GARNL3: variants seen among roughly 807,000 people sequenced by gnomAD.
GARNL3 encodes GTPase activating Rap/RanGAP domain like 3.
In GARNL3, 63 loss-of-function variants were observed where a neutral mutation model predicts 125.0. The observed-to-expected ratio is 0.50, with a 90% CI of 0.41 to 0.62. The LOEUF is 0.62. Among genes scored for constraint, GARNL3 ranks in the 20% least tolerant of loss-of-function variants. The probability of loss-of-function intolerance (pLI) is 0.00; values close to 1 mark genes in which losing one functional copy is unlikely to be tolerated. For missense variants in GARNL3, 994 were observed against 1,244.0 expected, an observed-to-expected ratio of 0.80 and a Z score of 3.02; for synonymous variants, 439 against 457.5, an observed-to-expected ratio of 0.96 and a Z score of 0.52.
intron 4 of GARNL3, among the ~76,000 whole-genome samples, chr9:127,316,441 G>A (rs1409623060): frequency 6.6e-6 from 1 of 152,126 alleles, no homozygotes; most frequent in Non-Finnish European, 1.5e-5. Flanking sequence ...GGTAGTCAAG[G>A]TAGGATCTAA....
intron 1 of GARNL3, among the ~76,000 whole-genome samples, chr9:127,228,184 T>A (rs1029469495): frequency 1.3e-5 from 2 of 152,244 alleles, no homozygotes; most frequent in East Asian, 3.8e-4. Context: ...ATGGATATAT[T>A]ACCATTTATT....
At chr9:127,293,354 A>G (rs574656355) in intron 2 of GARNL3, among the ~76,000 whole-genome samples, 1 of 152,344 alleles carries the variant, frequency 6.6e-6, no homozygotes, top group South Asian at 2.1e-4. Flanking sequence ...TAGTCTGGAT[A>G]ATTAGACACT....
intron 2 of GARNL3, among the ~76,000 whole-genome samples, chr9:127,246,214 C>T (rs2063301005): frequency 1.3e-5 from 2 of 152,078 alleles, no homozygotes; most frequent in Non-Finnish European, 2.9e-5. Context: ...AGATAATTGG[C>T]GTCAGTAGGC....
intron 1 of GARNL3, among the ~76,000 whole-genome samples, chr9:127,281,534 C>A (rs1243643014): frequency 6.6e-6 from 1 of 152,188 alleles, no homozygotes; most frequent in Non-Finnish European, 1.5e-5. Flanking sequence ...TGCCCAGTCA[C>A]CCGGATCTCC....
intron 20 of GARNL3, chr9:127,356,619 G>A (rs1473624656): frequency 6.6e-6 from 1 of 152,194 alleles, no homozygotes; most frequent in Non-Finnish European, 1.5e-5. Flanking sequence ...TTAAAATCTT[G>A]CTCTACTTAA....
chr9:127,276,259 G>A (rs763408806), intron 1 of GARNL3, among the ~76,000 whole-genome samples: 2 of 152,020 alleles, frequency 1.3e-5, no homozygotes, highest in Non-Finnish European at 2.9e-5. Flanking sequence ...AGGCAAGGCT[G>A]GGATTACAGG....
At chr9:127,304,691 A>C (rs1053277839) in intron 2 of GARNL3, among the ~76,000 whole-genome samples, 6 of 151,836 alleles carry the variant, frequency 4.0e-5, no homozygotes, top group Non-Finnish European at 8.8e-5. Context: ...ATGCGCCACC[A>C]CACCTGGCTA....
rs767897607 is a variant in GARNL3 at position 127,353,831 on chromosome 9, G to C, written c.1544-15G>C. The C allele has an allele frequency of 6.3e-7, 1 of 1,581,362 alleles. No homozygotes were observed. The highest frequency in any genetic ancestry group is 8.7e-7 in the Non-Finnish European group (1 of 1,150,186). Reference sequence around the variant, plus strand: ...GCTGGGTTGCAGTGATGGGTAACCAGGTTTCCTTTTCCAGATGACCTTCCA... The same window carrying C: ...GCTGGGTTGCAGTGATGGGTAACCACGTTTCCTTTTCCAGATGACCTTCCA... On this transcript the variant is annotated splice_polypyrimidine_tract_variant and intron_variant, in intron 17 of 27. Coordinates refer to ENST00000373387, the MANE Select transcript of GARNL3 (RefSeq NM_032293.5).
At position 127,385,009 on chromosome 9, in the gene GARNL3, A is replaced by G. The variant is rs1832466168; in HGVS notation, c.2270-18A>G. 1 of 1,528,684 alleles carries G rather than the reference A, an allele frequency of 6.5e-7. No homozygotes were observed. The highest frequency in any genetic ancestry group is 9.0e-7 in the Non-Finnish European group (1 of 1,111,518). 94.7% of individuals were successfully genotyped at this position (1,528,684 alleles called of 1,614,324 possible). ...ACCAAGCCAGCAGCTGGGAGGTGAC[A>G]CTCCCGTTCCCTTGCAGTCTGTGCT... On this transcript the variant is annotated intron_variant, in intron 23 of 27. Transcript: ENST00000373387. This position sits in a 1 kb window ranked among gnomAD's most constrained non-coding sequence, Gnocchi z 4.1.
At chr9:127,361,950 T>C (rs1186219864) in intron 21 of GARNL3, 1 of 151,624 alleles carries the variant, frequency 6.6e-6, no homozygotes, top group Non-Finnish European at 1.5e-5. Context: ...CCCACTGCAG[T>C]CAACCCTCCC....
chr9:127,298,239 C>T (rs1483906814), intron 2 of GARNL3, among the ~76,000 whole-genome samples: 4 of 152,148 alleles, frequency 2.6e-5, no homozygotes, highest in South Asian at 2.1e-4. Flanking sequence ...AGTGCAATGG[C>T]GTAATCTCAG....
chr9:127,231,917 T>C (rs1195644026), intron 1 of GARNL3, among the ~76,000 whole-genome samples: 1 of 152,208 alleles, frequency 6.6e-6, no homozygotes, highest in Admixed American at 6.5e-5. Context: ...AACACGCTCA[T>C]AAATAATGCC....
intron 15 of GARNL3, among the ~76,000 whole-genome samples, chr9:127,344,975 G>T (rs1014581298): frequency 6.6e-6 from 1 of 152,208 alleles, no homozygotes; most frequent in African/African-American, 2.4e-5. Context: ...CCCAGAAGTA[G>T]AAAGCTAGAC....
At chr9:127,243,268 C>T (rs1564843412) in intron 2 of GARNL3, 1 of 1,365,482 alleles carries the variant, frequency 7.3e-7, no homozygotes, top group African/African-American at 1.5e-5. Context: ...GTAAAAGAAG[C>T]ATCATCTCAG....
At chr9:127,307,783 T>G (rs2064996538) in intron 2 of GARNL3, among the ~76,000 whole-genome samples, 1 of 152,090 alleles carries the variant, frequency 6.6e-6, no homozygotes, top group Non-Finnish European at 1.5e-5. Flanking sequence ...ATGTGTCAAG[T>G]AAATAAAAGT....
At chr9:127,345,546 T>G in intron 16 of GARNL3, 69 bp downstream of exon 16, 1 of 1,057,464 alleles carries the variant, frequency 9.5e-7, no homozygotes, top group Non-Finnish European at 1.4e-6. Context: ...ATTGAGATTA[T>G]TGGAAAAAGG....
intron 26 of GARNL3, among the ~76,000 whole-genome samples, chr9:127,389,531 CGT>C (rs1197984986): frequency 6.6e-6 from 1 of 152,164 alleles, no homozygotes; most frequent in African/African-American, 2.4e-5. Context: ...TGTTTTTACA[CGT>C]GTGTGTTCAG....
At chr9:127,373,831 G>T (rs1372687411) in intron 22 of GARNL3, among the ~76,000 whole-genome samples, 1 of 152,098 alleles carries the variant, frequency 6.6e-6, no homozygotes, top group Non-Finnish European at 1.5e-5. Flanking sequence ...ATGGTGAAAT[G>T]CTGTCTCTAC....
At chr9:127,354,458 C>A in intron 19 of GARNL3, 48 bp downstream of exon 19, 1 of 1,087,302 alleles carries the variant, frequency 9.2e-7, no homozygotes, top group Non-Finnish European at 1.4e-6. Flanking sequence ...TTTTTTTTTC[C>A]TCAGGCTGCC....
Sources: allele counts gnomAD v4.1 joint callset (sites outside exome capture counted in the v4.1 genomes callset), GRCh38; gene constraint gnomAD v4.1.1; non-coding constraint Gnocchi (gnomAD v3.1); transcripts MANE v1.5; gene names NCBI Gene and HGNC (gene_info 2026-07-23, HGNC 2026-07-21).